The following LARGE1 variants were observed in gnomAD, a reference collection of about 807,000 sequenced individuals.
LARGE1 encodes LARGE xylosyl- and glucuronyltransferase 1.
Under a neutral mutation model 87.6 loss-of-function variants are expected in LARGE1, and 43 were observed. The observed-to-expected ratio is 0.49, with a 90% CI of 0.38 to 0.63. The LOEUF (loss-of-function observed/expected upper bound fraction) is 0.63, where lower values mean the gene tolerates loss of function less well. Among genes scored for constraint, LARGE1 ranks in the 30% least tolerant of loss-of-function variants. The pLI, the probability that LARGE1 is intolerant of heterozygous loss-of-function variation, is 0.00. For missense variants in LARGE1, 802 were observed against 1,000.2 expected, an observed-to-expected ratio of 0.80 and a Z score of 2.67; for synonymous variants, 434 against 394.6, an observed-to-expected ratio of 1.10 and a Z score of -1.18.
At chr22:33,663,852 G>A (rs1204327133) in intron 2 of LARGE1, among the ~76,000 whole-genome samples, 1 of 152,176 alleles carries the variant, frequency 6.6e-6, no homozygotes, top group Non-Finnish European at 1.5e-5. Flanking sequence ...GTTGGAATAA[G>A]CATTAAAAAT....
intron 12 of LARGE1, among the ~76,000 whole-genome samples, chr22:33,302,843 T>C (rs1934352323): frequency 6.6e-6 from 1 of 152,070 alleles, no homozygotes; most frequent in African/African-American, 2.4e-5. Context: ...GACTGTTATT[T>C]TGCTTCTCTG....
intron 11 of LARGE1, among the ~76,000 whole-genome samples, chr22:33,248,331 G>T (rs540796995): frequency 6.6e-6 from 1 of 152,226 alleles, no homozygotes; most frequent in Admixed American, 6.5e-5. Flanking sequence ...AGGACCACAG[G>T]TGCGTGCCAC....
At chr22:33,087,320 A>G in the LARGE1 span, among the ~76,000 whole-genome samples, 2 of 152,074 alleles carry the variant, frequency 1.3e-5, no homozygotes, top group Admixed American at 1.3e-4. Context: ...TTAATTACCA[A>G]TTAAGATTCA....
At chr22:33,737,135 T>G (rs971155495) in intron 2 of LARGE1, among the ~76,000 whole-genome samples, 4 of 152,214 alleles carry the variant, frequency 2.6e-5, no homozygotes, top group African/African-American at 9.7e-5. Context: ...GAAATGACCC[T>G]GCGTCATTTG....
intron 4 of LARGE1, among the ~76,000 whole-genome samples, chr22:33,621,740 A>C (rs2079761223): frequency 1.3e-5 from 2 of 152,194 alleles, no homozygotes; most frequent in South Asian, 4.1e-4. Context: ...CATCACCAGC[A>C]TATCAATTCA....
At chr22:33,090,323 A>C in the LARGE1 span, among the ~76,000 whole-genome samples, 1 of 152,202 alleles carries the variant, frequency 6.6e-6, no homozygotes, top group South Asian at 2.1e-4. Flanking sequence ...ATTATTCACT[A>C]TGTTAGAAAA....
intron 9 of LARGE1, among the ~76,000 whole-genome samples, chr22:33,365,491 CA>C (rs1333169274): frequency 2.0e-5 from 3 of 152,160 alleles, no homozygotes; most frequent in Non-Finnish European, 4.4e-5. Context: ...ATTTGCCTGG[CA>C]ACCAAGTGAA....
At chr22:33,409,298 A>G (rs2147414425) in intron 7 of LARGE1, among the ~76,000 whole-genome samples, 1 of 152,260 alleles carries the variant, frequency 6.6e-6, no homozygotes, top group East Asian at 1.9e-4. Context: ...CGGAAGGAGG[A>G]GGAGGAGGCT....
chr22:33,137,517 A>C, the LARGE1 span, among the ~76,000 whole-genome samples: 3 of 152,230 alleles, frequency 2.0e-5, no homozygotes, highest in African/African-American at 4.8e-5. Context: ...GGGGAAATTC[A>C]AGCTGGCTGC....
At chr22:33,701,112 T>C (rs1213834489) in intron 2 of LARGE1, among the ~76,000 whole-genome samples, 1 of 152,124 alleles carries the variant, frequency 6.6e-6, no homozygotes, top group African/African-American at 2.4e-5. Flanking sequence ...ATGCTTTTTG[T>C]ACCTGGATCA....
chr22:33,702,057 A>G lies in LARGE1; in HGVS notation c.107-51389T>C, dbSNP rs2082418304. On this transcript the variant is annotated intron_variant, in intron 2 of 14. Coordinates refer to ENST00000397394, the MANE Select transcript of LARGE1 (RefSeq NM_133642.5). ...ATCTGCAAGAGCCGGCTCCACTGCC[A>G]TCTCCTCCAATAACTGTGGCTGCAT... Among the ~76,000 whole-genome samples the G allele has an allele frequency of 2.0e-5, 3 of 152,342 alleles. No individual in the cohort carries two copies. In the South Asian group the frequency reaches 6.2e-4, roughly 32 times the overall value.
intron 11 of LARGE1, among the ~76,000 whole-genome samples, chr22:33,312,263 G>A (rs755729125): frequency 4.6e-5 from 7 of 152,016 alleles, no homozygotes; most frequent in Non-Finnish European, 8.8e-5. Context: ...CCAACATGGT[G>A]AAACCCCGTC....
chr22:33,862,086 C>G (rs2063943762), intron 1 of LARGE1, among the ~76,000 whole-genome samples: 1 of 152,020 alleles, frequency 6.6e-6, no homozygotes, highest in Non-Finnish European at 1.5e-5. Flanking sequence ...GTCTTGAACT[C>G]CTGACCTCAA....
chr22:33,781,411 G>C (rs1002449751), intron 1 of LARGE1, among the ~76,000 whole-genome samples: 1 of 152,178 alleles, frequency 6.6e-6, no homozygotes. Context: ...TGAGGCAGGA[G>C]AATCACCTGA....
intron 1 of LARGE1, among the ~76,000 whole-genome samples, chr22:33,896,701 C>T (rs1022313468): frequency 6.6e-6 from 1 of 152,176 alleles, no homozygotes; most frequent in Non-Finnish European, 1.5e-5. Context: ...CGACACTGAT[C>T]CCTTCCACTC....
chr22:33,238,159 T>A (rs1218462719), intron 11 of LARGE1, among the ~76,000 whole-genome samples: 1 of 152,070 alleles, frequency 6.6e-6, no homozygotes, highest in Non-Finnish European at 1.5e-5. Context: ...CAAATATAAC[T>A]TCAATTAATT....
At chr22:33,776,126 T>C (rs1410948290) in intron 1 of LARGE1, among the ~76,000 whole-genome samples, 2 of 152,228 alleles carry the variant, frequency 1.3e-5, no homozygotes, top group South Asian at 4.1e-4. Flanking sequence ...GTCATCTTTA[T>C]CTTTTCCTCC....
chr22:33,395,009 GA>G (rs2147250055), intron 7 of LARGE1, among the ~76,000 whole-genome samples: 1 of 152,074 alleles, frequency 6.6e-6, no homozygotes, highest in African/African-American at 2.4e-5. Context: ...GGCAGATCAC[GA>G]GGTCAGGAGA....
chr22:33,426,176 C>G (rs767123659), intron 7 of LARGE1, among the ~76,000 whole-genome samples: 2 of 152,140 alleles, frequency 1.3e-5, no homozygotes, highest in African/African-American at 4.8e-5. Flanking sequence ...ATGGAAGAGG[C>G]TCAAGTCATA....
Sources: allele counts gnomAD v4.1 joint callset (sites outside exome capture counted in the v4.1 genomes callset), GRCh38; gene constraint gnomAD v4.1.1; transcripts MANE v1.5; gene names NCBI Gene and HGNC (gene_info 2026-07-23, HGNC 2026-07-21).